The following DIS3L2 variants were observed in gnomAD, a reference collection of about 807,000 sequenced individuals.
DIS3L2 encodes the protein DIS3 like 3'-5' exoribonuclease 2.
A neutral mutation model predicts 97.5 loss-of-function variants in DIS3L2; 34 were observed. The ratio of observed to expected loss-of-function variants is 0.35; its 90% CI spans 0.27 to 0.46. DIS3L2 has a LOEUF of 0.46. Ranked by LOEUF, DIS3L2 falls within the 20% of genes least tolerant of loss-of-function variation. The pLI, the probability that DIS3L2 is intolerant of heterozygous loss-of-function variation, is 1.00. For synonymous variants in DIS3L2, 435 were observed against 445.2 expected (o/e 0.98, Z 0.29); for missense variants, 1,038 against 1,146.0 (o/e 0.91, Z 1.36).
chr2:232,237,823 T>G (rs545561550), intron 10 of DIS3L2, among the ~76,000 whole-genome samples: 1 of 152,222 alleles, frequency 6.6e-6, no homozygotes, highest in Admixed American at 6.5e-5. Flanking sequence ...AGGCAGATCC[T>G]GTTAAGACTA....
At chr2:232,104,001 A>C (rs986615853) in intron 6 of DIS3L2, among the ~76,000 whole-genome samples, 4 of 150,980 alleles carry the variant, frequency 2.6e-5, no homozygotes, top group African/African-American at 7.3e-5. Flanking sequence ...GTCCCCCCCC[A>C]CCACCTTTTT....
At chr2:232,108,248 G>C (rs1303774857) in intron 6 of DIS3L2, among the ~76,000 whole-genome samples, 2 of 152,058 alleles carry the variant, frequency 1.3e-5, no homozygotes, top group African/African-American at 4.8e-5. Flanking sequence ...TGATTCATCA[G>C]ATAAAGAGAA....
intron 8 of DIS3L2, among the ~76,000 whole-genome samples, chr2:232,144,241 C>G (rs1453899250): frequency 1.3e-5 from 2 of 152,066 alleles, no homozygotes; most frequent in South Asian, 4.1e-4. Flanking sequence ...AAACCATTCC[C>G]AAAGTGATTG....
intron 9 of DIS3L2, among the ~76,000 whole-genome samples, chr2:232,182,604 A>T (rs1691322236): frequency 6.6e-6 from 1 of 152,058 alleles, no homozygotes; most frequent in South Asian, 2.1e-4. Flanking sequence ...TTGTTGTTAG[A>T]TGCATGTGTG....
At chr2:232,248,205 C>T (rs1693317897) in intron 11 of DIS3L2, among the ~76,000 whole-genome samples, 1 of 142,808 alleles carries the variant, frequency 7.0e-6, no homozygotes, top group Non-Finnish European at 1.6e-5. Context: ...ACATAGTTTG[C>T]TGAATGTCCC....
At chr2:232,010,061 G>A (rs1423821352) in intron 1 of DIS3L2, among the ~76,000 whole-genome samples, 4 of 152,142 alleles carry the variant, frequency 2.6e-5, no homozygotes, top group African/African-American at 9.7e-5. Context: ...GATGATAGGA[G>A]CCCCAGGCTA....
Position 232,269,070 on chromosome 2 carries a change from G to A in DIS3L2, c.1659+5630G>A, listed in dbSNP as rs1693917917. ...TCTGCAAGCTCAGCAGCTCTTCACA[G>A]TCAGGTCTTCATCCCACCCAAGCCC... On this transcript the variant is annotated intron_variant, in intron 13 of 20. Transcript: ENST00000325385. The surrounding 1 kb of genome is among the most constrained non-coding windows in gnomAD (Gnocchi z 4.5). Among the ~76,000 whole-genome samples, 1 of 152,196 alleles carries A rather than the reference G, an allele frequency of 6.6e-6. No individual in the cohort carries two copies. The highest frequency in any genetic ancestry group is 2.4e-5 in the African/African-American group (1 of 41,446).
intron 5 of DIS3L2, among the ~76,000 whole-genome samples, chr2:232,077,993 C>CTTTCTTTCTT (rs1696260409): frequency 3.0e-5 from 4 of 133,294 alleles, no homozygotes; most frequent in Admixed American, 8.0e-5. Flanking sequence ...TTCTTTCTTT[C>CTTTCTTTCTT]TTTCTTTCTT....
At chr2:231,963,163 C>T (rs548558495) in intron 1 of DIS3L2, among the ~76,000 whole-genome samples, 20 of 152,316 alleles carry the variant, frequency 1.3e-4, no homozygotes, top group African/African-American at 4.3e-4. Context: ...AAACTGCTTT[C>T]CACAGTGGCT....
At chr2:232,117,629 C>T (rs955194537) in intron 6 of DIS3L2, among the ~76,000 whole-genome samples, 17 of 152,282 alleles carry the variant, frequency 1.1e-4, no homozygotes, top group African/African-American at 3.4e-4. Flanking sequence ...CACCAGGGGC[C>T]TCTTCCCTGC....
chr2:232,136,614 T>G lies in DIS3L2; in HGVS notation c.845T>G (p.Leu282Arg). Residue 282 changes from leucine to arginine, a missense_variant, in exon 8 of 21, where the codon CTC (leucine) becomes CGC (arginine). By Grantham distance (102) the Leu-to-Arg change is moderately radical. Coordinates refer to ENST00000325385, the MANE Select transcript of DIS3L2 (RefSeq NM_152383.5). ...DHRVPRIYVPLKDCPQDFVAR... is the reference protein window; with the variant it reads ...DHRVPRIYVPRKDCPQDFVAR... ...CGAGTGCCTAGAATTTATGTGCCTC[T>G]CAAGGACTGTCCCCAGGACTTTGTG... 1.2e-6 allele frequency: 2 copies of G among 1,613,986 alleles called. No homozygotes were observed. Among genetic ancestry groups the G allele is most frequent in the South Asian group, 2.2e-5 (2 of 91,066 alleles).
intron 9 of DIS3L2, among the ~76,000 whole-genome samples, chr2:232,181,805 T>TTTTG (rs145378684): frequency 1.1e-4 from 16 of 151,762 alleles, no homozygotes; most frequent in Non-Finnish European, 1.8e-4. Context: ...CCCAGCTAAT[T>TTTTG]TTTGTTTGTT....
chr2:232,280,506 C>CG (rs1694254589), intron 13 of DIS3L2, among the ~76,000 whole-genome samples: 1 of 152,236 alleles, frequency 6.6e-6, no homozygotes, highest in Non-Finnish European at 1.5e-5. Flanking sequence ...GTCAGTGACT[C>CG]ACCCAATCAT....
intron 5 of DIS3L2, among the ~76,000 whole-genome samples, chr2:232,041,887 C>A (rs139108418): frequency 2.0e-5 from 3 of 152,160 alleles, no homozygotes; most frequent in Non-Finnish European, 2.9e-5. Context: ...TGTATTTGTG[C>A]AGCACCTGCA....
In DIS3L2 at chr2:232,229,238, T is replaced by C. The variant is rs548470238; in HGVS notation, c.1205-9295T>C. On this transcript the variant is annotated intron_variant, in intron 10 of 20. Transcript: ENST00000325385. ...ATGCACAAAAGTAGAAGGAAGAGTA[T>C]AATGAAACCCATTGTTCCCATCACC... is the stretch of plus-strand genomic sequence containing the variant. 2.4e-4 allele frequency among the ~76,000 whole-genome samples: 36 copies of C among 152,196 alleles called. 1 individual carries two copies. The highest frequency in any genetic ancestry group is 8.0e-4 in the African/African-American group (33 of 41,454).
chr2:232,321,127 C>CT (rs1420222146), intron 14 of DIS3L2, among the ~76,000 whole-genome samples: 1 of 152,180 alleles, frequency 6.6e-6, no homozygotes, highest in East Asian at 1.9e-4. Context: ...AACAGAGGCA[C>CT]TGATCTCCTT....
At position 232,252,538 on chromosome 2, in the gene DIS3L2, A is replaced by G. The variant is rs564642800; in HGVS notation, c.1425+3192A>G. ...ATATGTAGCTGGAAAAGAAAGGAGC[A>G]TTTTAATAACTTTTTCAGATAATTG... On this transcript the variant is annotated intron_variant, in intron 12 of 20. Transcript: ENST00000325385. 3.3e-5 allele frequency among the ~76,000 whole-genome samples: 5 copies of G among 152,334 alleles called. No homozygotes were observed. The South Asian group carries it at 8.3e-4, about 25-fold the overall frequency.
At chr2:232,019,240 G>A (rs954750132) in intron 3 of DIS3L2, among the ~76,000 whole-genome samples, 2 of 152,118 alleles carry the variant, frequency 1.3e-5, no homozygotes, top group African/African-American at 4.8e-5. Context: ...TAGTTTCTGG[G>A]ACCTTCACCA....
At chr2:232,270,934 T>G (rs571214287) in intron 13 of DIS3L2, among the ~76,000 whole-genome samples, 1 of 151,734 alleles carries the variant, frequency 6.6e-6, no homozygotes, top group Non-Finnish European at 1.5e-5. Context: ...TCTCTCTCTC[T>G]CTCTCTGTCT....
Sources: gnomAD v4.1 joint callset for allele counts (sites outside exome capture counted in the v4.1 genomes callset) on GRCh38, gnomAD v4.1.1 for gene constraint, Gnocchi (gnomAD v3.1) non-coding constraint, MANE v1.5 for transcripts, NCBI Gene and HGNC (gene_info 2026-07-23, HGNC 2026-07-21) for gene names.